DMD: variants seen among roughly 807,000 people sequenced by gnomAD.
DMD encodes mutant dystrophin.
In DMD, 63 loss-of-function variants were observed where a neutral mutation model predicts 330.1. The ratio of observed to expected loss-of-function variants is 0.19; its 90% CI spans 0.16 to 0.24. DMD has a LOEUF of 0.24. Among genes scored for constraint, DMD ranks in the 10% least tolerant of loss-of-function variants. DMD has a pLI of 1.00. For synonymous variants in DMD, 1,223 were observed against 959.8 expected (o/e 1.27, Z -5.07); for missense variants, 3,344 against 2,684.1 (o/e 1.25, Z -5.43).
intron 52 of DMD, among the ~76,000 whole-genome samples, chrX:31,686,836 C>T (rs763184704): frequency 8.0e-5 from 9 of 112,171 alleles, no homozygotes; most frequent in Non-Finnish European, 1.5e-4. Context: ...CACCAGCTGG[C>T]ATGGCTAAGG....
intron 44 of DMD, among the ~76,000 whole-genome samples, chrX:32,118,411 G>A (rs7050499): frequency 0.081 from 8,986 of 110,920 alleles, 840 homozygotes; most frequent in African/African-American, 0.27. Context: ...AACTCTCTGA[G>A]CCATGGTTAA....
At chrX:32,287,826 T>C in intron 42 of DMD, 125 bp from the exon 43 acceptor site, 1 of 483,670 alleles carries the variant, frequency 2.1e-6, no homozygotes. Context: ...TTATTGACTT[T>C]TTAAAGTTAA....
At chrX:32,778,455 C>T (rs1017329734) in intron 7 of DMD, among the ~76,000 whole-genome samples, 3 of 111,077 alleles carry the variant, frequency 2.7e-5, no homozygotes, top group African/African-American at 9.8e-5. Flanking sequence ...ACAGAGAGTG[C>T]AGTAGTATTC....
At chrX:31,454,054 AAAGT>A (rs1470346941) in intron 59 of DMD, among the ~76,000 whole-genome samples, 1 of 112,241 alleles carries the variant, frequency 8.9e-6, no homozygotes, top group Non-Finnish European at 1.9e-5. Flanking sequence ...AACTTCCTTA[AAAGT>A]AAGTAATAAT....
intron 11 of DMD, among the ~76,000 whole-genome samples, chrX:32,638,716 C>A (rs1192361786): frequency 9.0e-6 from 1 of 111,726 alleles, no homozygotes; most frequent in Non-Finnish European, 1.9e-5. Context: ...GAATTCAATT[C>A]CAAGATTGGA....
At chrX:31,378,106 G>A (rs989846590) in intron 60 of DMD, among the ~76,000 whole-genome samples, 1 of 111,341 alleles carries the variant, frequency 9.0e-6, no homozygotes, top group African/African-American at 3.3e-5. Flanking sequence ...CTGCATCCAG[G>A]TGATTAAAAA....
intron 1 of DMD, among the ~76,000 whole-genome samples, chrX:33,116,546 C>T (rs2095386679): frequency 9.0e-6 from 1 of 111,152 alleles, no homozygotes; most frequent in African/African-American, 3.3e-5. Flanking sequence ...AAGCACAGCA[C>T]GTGCTCTCAG....
At chrX:32,576,462 C>T (rs990750066) in intron 13 of DMD, among the ~76,000 whole-genome samples, 2 of 109,967 alleles carry the variant, frequency 1.8e-5, no homozygotes, top group African/African-American at 6.6e-5. Flanking sequence ...ACAAGCACTG[C>T]GATACCATGA....
intron 12 of DMD, among the ~76,000 whole-genome samples, chrX:32,599,180 T>C (rs1044723200): frequency 8.9e-6 from 1 of 112,027 alleles, no homozygotes. Flanking sequence ...AAATGCGAAA[T>C]AAATATTAGT....
chrX:31,146,207 A>G, intron 76 of DMD, 84 bp downstream of exon 76: 1 of 1,092,796 alleles, frequency 9.2e-7, no homozygotes, highest in Admixed American at 2.2e-5. Context: ...TGAGTCAAAC[A>G]CTTACGGCCA....
intron 55 of DMD, among the ~76,000 whole-genome samples, chrX:31,522,357 C>A (rs867050969): frequency 0.014 from 784 of 57,423 alleles, 11 homozygotes; most frequent in African/African-American, 0.029. Flanking sequence ...CTCTCTCTCT[C>A]TCTCTCTATA....
chrX:32,592,645 A>G (rs1338760584), intron 13 of DMD, among the ~76,000 whole-genome samples: 1 of 112,166 alleles, frequency 8.9e-6, no homozygotes, highest in African/African-American at 3.2e-5. Context: ...GACTTGCTGA[A>G]TGGCAGGACA....
intron 2 of DMD, among the ~76,000 whole-genome samples, chrX:32,854,519 G>C (rs748257774): frequency 1.3e-4 from 14 of 108,127 alleles, no homozygotes; most frequent in African/African-American, 4.7e-4. Flanking sequence ...TAAAACTTGT[G>C]GGCTACAGAT....
At chrX:32,730,345 CT>C (rs1416393901) in intron 7 of DMD, among the ~76,000 whole-genome samples, 1 of 111,907 alleles carries the variant, frequency 8.9e-6, no homozygotes, top group African/African-American at 3.2e-5. Context: ...TATCTTGTCT[CT>C]TAAAATAAAT....
chrX:32,409,396 T>G (rs923128959), intron 30 of DMD, among the ~76,000 whole-genome samples: 1 of 111,879 alleles, frequency 8.9e-6, no homozygotes, highest in Middle Eastern at 4.6e-3. Context: ...TTTCTACTGA[T>G]GTAGTTAATA....
At chrX:32,499,623 G>C (rs974685226) in intron 19 of DMD, among the ~76,000 whole-genome samples, 1 of 111,422 alleles carries the variant, frequency 9.0e-6, no homozygotes, top group African/African-American at 3.3e-5. Context: ...GCCTAAGCTT[G>C]GGAAGGAAGA....
At chrX:32,682,038 T>A (rs1443425818) in intron 9 of DMD, among the ~76,000 whole-genome samples, 1 of 111,000 alleles carries the variant, frequency 9.0e-6, no homozygotes, top group Non-Finnish European at 1.9e-5. Context: ...AGAAATGGGG[T>A]TAAGGGTAGG....
chrX:32,435,275 CATATATATAT>C (rs57376337), intron 29 of DMD, among the ~76,000 whole-genome samples: 3 of 79,655 alleles, frequency 3.8e-5, no homozygotes, highest in Admixed American at 1.5e-4. Flanking sequence ...TATATACTTA[CATATATATAT>C]ATATATATAT....
intron 2 of DMD, among the ~76,000 whole-genome samples, chrX:32,964,014 G>T (rs1210914968): frequency 2.7e-5 from 3 of 110,650 alleles, no homozygotes; most frequent in Admixed American, 9.6e-5. Flanking sequence ...CAGCACTTTG[G>T]GAGGCTGAGG....
Sources: allele counts gnomAD v4.1 joint callset (sites outside exome capture counted in the v4.1 genomes callset), GRCh38; gene constraint gnomAD v4.1.1; transcripts MANE v1.5; gene names NCBI Gene and HGNC (gene_info 2026-07-23, HGNC 2026-07-21).